The following TULP4 variants were observed in gnomAD, a reference collection of about 807,000 sequenced individuals.
The protein encoded by TULP4 is TUB like protein 4.
Under a neutral mutation model 129.0 loss-of-function variants are expected in TULP4, and 16 were observed. The observed-to-expected ratio is 0.12, with a 90% confidence interval of 0.08 to 0.19. TULP4 has a LOEUF of 0.19. Among genes scored for constraint, TULP4 ranks in the 10% least tolerant of loss-of-function variants. The probability of loss-of-function intolerance (pLI) is 1.00; values close to 1 mark genes in which losing one functional copy is unlikely to be tolerated. For synonymous variants in TULP4, 998 were observed against 854.0 expected (o/e 1.17, Z -2.94); for missense variants, 1,842 against 2,059.1 (o/e 0.89, Z 2.04).
chr6:158,417,830 A>C (rs1331163035), intron 2 of TULP4, among the ~76,000 whole-genome samples: 1 of 152,246 alleles, frequency 6.6e-6, no homozygotes, highest in Non-Finnish European at 1.5e-5. Context: ...TTTCTTTTTC[A>C]GGAAATGATT....
At chr6:158,434,345 G>A (rs1778703592) in intron 3 of TULP4, among the ~76,000 whole-genome samples, 1 of 152,128 alleles carries the variant, frequency 6.6e-6, no homozygotes, top group Non-Finnish European at 1.5e-5. Flanking sequence ...GATAAACTTA[G>A]GATATATTTG....
chr6:158,431,273 A>C (rs564127536), intron 3 of TULP4, among the ~76,000 whole-genome samples: 1 of 152,108 alleles, frequency 6.6e-6, no homozygotes, highest in African/African-American at 2.4e-5. Flanking sequence ...AGGACTGTGT[A>C]TTATTTCCTG....
rs141585727 is a variant in TULP4, at chr6:158,246,608, C to G, written n.68+14305C>G. 2.9e-3 allele frequency among the ~76,000 whole-genome samples: 445 copies of G among 152,224 alleles called. 1 individual carries two copies. The highest frequency in any genetic ancestry group is 0.01 in the African/African-American group (423 of 41,528). On this transcript the variant is annotated intron_variant and non_coding_transcript_variant, in intron 1 of 1. Transcript: ENST00000620026. ...TCTTTTCCTTTTAACCATCTCTTTA[C>G]CATGGTAGGATCTATACCAGTGAGT...
chr6:158,325,640 C>A (rs954334856), intron 1 of TULP4, among the ~76,000 whole-genome samples: 11 of 152,194 alleles, frequency 7.2e-5, no homozygotes, highest in Admixed American at 3.3e-4. Context: ...CGTGAGCCAC[C>A]GCGCCCAGCC....
chr6:158,242,645 A>C (rs1777945464), intron 1 of TULP4: 1 of 684,458 alleles, frequency 1.5e-6, no homozygotes, highest in Non-Finnish European at 2.7e-6. Context: ...CTTCTCTGAA[A>C]CTTCCTTTCT....
At chr6:158,400,412 T>C (rs552887599) in intron 1 of TULP4, among the ~76,000 whole-genome samples, 2 of 152,360 alleles carry the variant, frequency 1.3e-5, no homozygotes, top group South Asian at 4.1e-4. Flanking sequence ...TTTTAATGTC[T>C]TGTCAATCAG....
At chr6:158,494,559 C>T (rs1244641490) in intron 10 of TULP4, among the ~76,000 whole-genome samples, 194 bp from the exon 11 acceptor site, 2 of 152,256 alleles carry the variant, frequency 1.3e-5, no homozygotes, top group East Asian at 3.9e-4. Context: ...TCGATGCGCC[C>T]CCACTCACTG....
Position 158,317,992 on chromosome 6 carries a change from T to G in TULP4, c.252+3724T>G, listed in dbSNP as rs539167617. Among the ~76,000 whole-genome samples, 9 of 152,316 alleles carry G rather than the reference T, an allele frequency of 5.9e-5. No individual in the cohort carries two copies. The East Asian group carries it at 1.4e-3, about 23-fold the overall frequency. On this transcript the variant is annotated intron_variant, in intron 1 of 13. Transcript: ENST00000367097. ...TGTCTGTTCATATCCTTTGCCCACTTTTTGACGGGGTTGTTTGTTTCTTTC... is the reference window on the plus strand; with the variant it reads ...TGTCTGTTCATATCCTTTGCCCACTGTTTGACGGGGTTGTTTGTTTCTTTC...
At chr6:158,477,044 A>T (rs1165318804) in intron 6 of TULP4, among the ~76,000 whole-genome samples, 1 of 152,146 alleles carries the variant, frequency 6.6e-6, no homozygotes, top group Non-Finnish European at 1.5e-5. Context: ...CAGTGAATTC[A>T]GGTATGTGAG....
intron 1 of TULP4, among the ~76,000 whole-genome samples, chr6:158,397,305 C>T (rs997258574): frequency 6.6e-6 from 1 of 152,162 alleles, no homozygotes; most frequent in African/African-American, 2.4e-5. Flanking sequence ...AGGATACCAT[C>T]ACACTTCTCC....
Position 158,388,679 on chromosome 6 carries a change from A to G in TULP4, c.253-24386A>G, listed in dbSNP as rs554213877. On this transcript the variant is annotated intron_variant, in intron 1 of 13. Transcript: ENST00000367097. Reference sequence around the variant, plus strand: ...AAAAAAAAAAAAAAATGCCTGCATCATAGGTATCCTGCACAGGTATAGTTA... The same window carrying G: ...AAAAAAAAAAAAAAATGCCTGCATCGTAGGTATCCTGCACAGGTATAGTTA... Among the ~76,000 whole-genome samples the G allele has an allele frequency of 1.1e-4, 16 of 151,100 alleles. No individual in the cohort carries two copies. The South Asian group carries it at 2.9e-3, about 28-fold the overall frequency.
chr6:158,289,319 C>T (rs556496466), intron 1 of TULP4, among the ~76,000 whole-genome samples: 1 of 152,112 alleles, frequency 6.6e-6, no homozygotes, highest in East Asian at 1.9e-4. Context: ...CTTGCCAGAG[C>T]TTTGTGTCTT....
At chr6:158,262,684 G>T (rs1486995964) in intron 1 of TULP4, among the ~76,000 whole-genome samples, 2 of 152,190 alleles carry the variant, frequency 1.3e-5, no homozygotes, top group African/African-American at 4.8e-5. Flanking sequence ...CTGGAAGAAG[G>T]CTGGAGGGTG....
rs780646098 is a variant in TULP4, at chr6:158,503,115, C to T, written c.3452C>T (p.Ser1151Phe). ...QTSGPNPLKL[S>F]SLMLSQGQHL... ...TCAGGGCCCAACCCCTTAAAACTGT[C>T]CTCTCTGATGCTGAGTCAGGGCCAG... Residue 1151 changes from serine to phenylalanine, a missense_variant, in exon 13 of 14, where the codon TCC becomes TTC. Transcript: ENST00000367097. This position sits in a 1 kb window ranked among gnomAD's most constrained non-coding sequence, Gnocchi z 4.3. The T allele has an allele frequency of 2.5e-6, 4 of 1,614,102 alleles. No homozygotes were observed. Among genetic ancestry groups the T allele is most frequent in the Non-Finnish European group, 1.7e-6 (2 of 1,179,982 alleles).
intron 1 of TULP4, among the ~76,000 whole-genome samples, chr6:158,372,067 G>A (rs1355651198): frequency 2.7e-5 from 4 of 149,664 alleles, no homozygotes; most frequent in African/African-American, 4.9e-5. Flanking sequence ...TGCCCACCTC[G>A]GCCTCTCAAA....
At chr6:158,459,950 C>T (rs1386210363) in intron 5 of TULP4, among the ~76,000 whole-genome samples, 1 of 152,230 alleles carries the variant, frequency 6.6e-6, no homozygotes, top group Non-Finnish European at 1.5e-5. Context: ...CACGAATCCT[C>T]TAGCTTCCCC....
In TULP4 at chr6:158,241,981, G is replaced by A. The variant is rs1353573860; in HGVS notation, n.68+9678G>A. On this transcript the variant is annotated intron_variant and non_coding_transcript_variant, in intron 1 of 1. Transcript: ENST00000620026. ...ATTGGTTAATTTCACTTTCTTCTTGGAGTCAAAGACATTTTGGTCCTTGTT... is the reference window on the plus strand; with the variant it reads ...ATTGGTTAATTTCACTTTCTTCTTGAAGTCAAAGACATTTTGGTCCTTGTT... 5.7e-6 allele frequency: 5 copies of A among 880,888 alleles called. No homozygotes were observed. In the East Asian group the frequency reaches 1.2e-4, roughly 21 times the overall value. 54.6% of individuals were successfully genotyped at this position (880,888 alleles called of 1,614,324 possible).
intron 12 of TULP4, 70 bp from the exon 13 acceptor site, chr6:158,501,608 T>C: frequency 1.4e-6 from 2 of 1,454,200 alleles, no homozygotes; most frequent in Non-Finnish European, 1.9e-6. Context: ...AGTCCAGACG[T>C]ATTGCTTATC....
chr6:158,465,789 A>AC (rs1779543847), intron 6 of TULP4, among the ~76,000 whole-genome samples: 2 of 152,230 alleles, frequency 1.3e-5, no homozygotes, highest in Non-Finnish European at 2.9e-5. Context: ...TGGAAGGTAT[A>AC]CGTTGGCTCA....
Sources: allele counts gnomAD v4.1 joint callset (sites outside exome capture counted in the v4.1 genomes callset), GRCh38; gene constraint gnomAD v4.1.1; non-coding constraint Gnocchi (gnomAD v3.1); transcripts MANE v1.5; gene names NCBI Gene and HGNC (gene_info 2026-07-23, HGNC 2026-07-21).